Variants in WNK4 observed in about 807,000 individuals in gnomAD.
The protein encoded by WNK4 is serine/threonine-protein kinase WNK4.
A neutral mutation model predicts 116.2 loss-of-function variants in WNK4; 94 were observed. That is an observed-to-expected ratio of 0.81 (90% CI 0.68 to 0.96). The LOEUF (loss-of-function observed/expected upper bound fraction) is 0.96, where lower values mean the gene tolerates loss of function less well. WNK4 is among the 40% of genes least tolerant of loss of function. WNK4 has a pLI of 0.00. For missense variants in WNK4, 1,542 were observed against 1,650.6 expected, an observed-to-expected ratio of 0.93 and a Z score of 1.14; for synonymous variants, 655 against 672.7, an observed-to-expected ratio of 0.97 and a Z score of 0.41.
At chr17:42,785,588 G>A (rs2054539851) in intron 6 of WNK4, 106 bp downstream of exon 6, 6 of 1,326,246 alleles carry the variant, frequency 4.5e-6, no homozygotes, top group Middle Eastern at 2.5e-4. Flanking sequence ...CGATGGGGGC[G>A]GGGCACCTCA....
At chr17:42,788,927 A>C in intron 11 of WNK4, 130 bp downstream of exon 11, 1 of 782,594 alleles carries the variant, frequency 1.3e-6, no homozygotes, top group Middle Eastern at 3.5e-4. Flanking sequence ...CACTTAGCAC[A>C]GTAACGCTGA....
chr17:42,785,152 T>A lies in WNK4; in HGVS notation c.1226T>A (p.Ile409Asn). ...KVKIPEVKEIIEGCIRTDKNE... is the reference protein window; with the variant it reads ...KVKIPEVKEINEGCIRTDKNE... ...AAGATACCCGAGGTGAAGGAGATCATTGAAGGCTGCATCCGCACGGATAAG... is the reference window on the plus strand; with the variant it reads ...AAGATACCCGAGGTGAAGGAGATCAATGAAGGCTGCATCCGCACGGATAAG... The change falls in exon 5 of 19, where the codon ATT becomes AAT. Residue 409 changes from isoleucine (I) to asparagine (N), a missense_variant. This residue lies in a region of WNK4 where 808 missense variants were observed against 873.6 expected (regional missense o/e 0.92). Coordinates refer to ENST00000246914, the MANE Select transcript of WNK4 (RefSeq NM_032387.5). The A allele has an allele frequency of 6.2e-7, 1 of 1,613,990 alleles. No homozygotes were observed. The highest frequency in any genetic ancestry group is 8.5e-7 in the Non-Finnish European group (1 of 1,179,992).
Position 42,785,360 on chromosome 17 carries a change from G to C in WNK4, c.1354G>C (p.Gly452Arg), listed in dbSNP as rs760054217. The change falls in exon 6 of 19, where the codon GGC (glycine) becomes CGC (arginine). Residue 452 changes from glycine to arginine, a missense_variant. By Grantham distance (125) the Gly-to-Arg change is moderately radical. Transcript: ENST00000246914. ...GGAGGAGGACGACGGCGAGAAGCCG[G>C]GCCTCAAGCTCTGGCTGCGCATGGA... The part of the protein sequence containing the change: ...LAEEDDGEKP[G>R]LKLWLRMEDA... 1 of 1,608,272 alleles carries C rather than the reference G, an allele frequency of 6.2e-7. No individual in the cohort carries two copies. The highest frequency in any genetic ancestry group is 1.3e-5 in the African/African-American group (1 of 74,862).
rs1314335783 is a variant in WNK4, at chr17:42,796,331, G to A, written c.3631+9G>A. Reference sequence around the variant, plus strand: ...TGAGCCCCCAGGCCCTGGTGAGACTGCAGTCACCCAGCTTCCATCTTTTCC... The same window carrying A: ...TGAGCCCCCAGGCCCTGGTGAGACTACAGTCACCCAGCTTCCATCTTTTCC... On this transcript the variant is annotated intron_variant, in intron 17 of 18. Transcript: ENST00000246914. The A allele has an allele frequency of 1.2e-6, 2 of 1,610,792 alleles. No individual in the cohort carries two copies. Among genetic ancestry groups the A allele is most frequent in the Non-Finnish European group, 1.7e-6 (2 of 1,178,588 alleles).
In WNK4 at chr17:42,785,294, G is replaced by C; in HGVS notation, c.1288G>C (p.Ala430Pro). 6.2e-7 allele frequency: 1 copy of C among 1,611,542 alleles called. No homozygotes were observed. The highest frequency in any genetic ancestry group is 8.5e-7 in the Non-Finnish European group (1 of 1,179,012). Residue 430 changes from alanine (A) to proline (P), a missense_variant, in exon 6 of 19, where the codon GCC becomes CCC. Ala to Pro is a conservative substitution (Grantham distance 27). Around this residue, in one of 7 missense-constraint regions of WNK4, gnomAD observed 808 missense variants for 873.6 expected, o/e 0.92. Transcript: ENST00000246914. ...CACCATCCAGGACCTCCTGGCCCAC[G>C]CCTTCTTCCGCGAGGAGCGCGGTGT... ...RFTIQDLLAH[A>P]FFREERGVHV... is the part of the protein sequence containing the mutation.
chr17:42,783,409 A>G (rs989382380), intron 2 of WNK4, among the ~76,000 whole-genome samples: 5 of 152,156 alleles, frequency 3.3e-5, no homozygotes, highest in African/African-American at 1.2e-4. Context: ...GCCTTGGAAT[A>G]AAGCCCACAC....
chr17:42,794,684 T>C lies in WNK4; in HGVS notation c.2350+16T>C, dbSNP rs1399582818. Reference sequence around the variant, plus strand: ...CCATCCAATGGTATGTACTGAGTTGTGTCCTTGCTCATCCCAACCCCTGGG... The same window carrying C: ...CCATCCAATGGTATGTACTGAGTTGCGTCCTTGCTCATCCCAACCCCTGGG... On this transcript the variant is annotated intron_variant, in intron 13 of 18. Transcript: ENST00000246914. 6.2e-7 allele frequency: 1 copy of C among 1,613,860 alleles called. No individual in the cohort carries two copies. Among genetic ancestry groups the C allele is most frequent in the South Asian group, 1.1e-5 (1 of 91,068 alleles).
At position 42,782,949 on chromosome 17, in the gene WNK4, T is replaced by C. The variant is rs145968863; in HGVS notation, c.791+19T>C. The C allele has an allele frequency of 6.9e-5, 111 of 1,613,042 alleles. No individual in the cohort carries two copies. In the African/African-American group the frequency reaches 1.3e-3, roughly 19 times the overall value. Reference sequence around the variant, plus strand: ...TCAAGACGTGAGCTCTGCGCATGAGTGGGTGGGGAGAGGGAGGCTGGGATG... The same window carrying C: ...TCAAGACGTGAGCTCTGCGCATGAGCGGGTGGGGAGAGGGAGGCTGGGATG... On this transcript the variant is annotated intron_variant, in intron 2 of 18. Coordinates refer to ENST00000246914, the MANE Select transcript of WNK4 (RefSeq NM_032387.5). This position sits in a 1 kb window ranked among gnomAD's most constrained non-coding sequence, Gnocchi z 4.2.
At position 42,782,762 on chromosome 17, in the gene WNK4, G is replaced by A. The variant is rs375355128; in HGVS notation, c.623G>A (p.Arg208Gln). The change falls in exon 2 of 19, where the codon CGG becomes CAG. Residue 208 changes from arginine to glutamine, a missense_variant. Physicochemically the swap from Arg to Gln is conservative, Grantham distance 43. Transcript: ENST00000246914. The surrounding 1 kb of genome is among the most constrained non-coding windows in gnomAD (Gnocchi z 4.2). ...VEVAWCELQT[R>Q]KLSRAERQRF... ...CACCCGTCCCCCATCCCACAGACTC[G>A]GAAACTGTCTAGAGCTGAGCGGCAG... 4.7e-5 allele frequency: 76 copies of A among 1,613,918 alleles called. No individual in the cohort carries two copies. The highest frequency in any genetic ancestry group is 1.3e-4 in the African/African-American group (10 of 74,906).
chr17:42,795,655 A>T lies in WNK4; in HGVS notation c.3053A>T (p.Gln1018Leu). Residue 1018 changes from glutamine to leucine, a missense_variant, in exon 16 of 19, where the codon CAA (glutamine) becomes CTA (leucine). Coordinates refer to ENST00000246914, the MANE Select transcript of WNK4 (RefSeq NM_032387.5). ...AAGCCGCAGCTTGTTGGGCGTTTCC[A>T]AGTGACTTCATCCAAGGAACCGGCT... ...EGKPQLVGRF[Q>L]VTSSKEPAEP... is the part of the protein sequence containing the mutation. 6.2e-7 allele frequency: 1 copy of T among 1,613,470 alleles called. No individual in the cohort carries two copies. Among genetic ancestry groups the T allele is most frequent in the Non-Finnish European group, 8.5e-7 (1 of 1,180,040 alleles).
chr17:42,784,024 C>T lies in WNK4; in HGVS notation c.879C>T (p.Ser293=). The T allele has an allele frequency of 6.2e-7, 1 of 1,614,080 alleles. No individual in the cohort carries two copies. Among genetic ancestry groups the T allele is most frequent in the Non-Finnish European group, 8.5e-7 (1 of 1,180,026 alleles). Residue 293 remains serine (S), a synonymous_variant, in exon 3 of 19, where the codon TCC becomes TCT. Coordinates refer to ENST00000246914, the MANE Select transcript of WNK4 (RefSeq NM_032387.5). The surrounding 1 kb of genome is among the most constrained non-coding windows in gnomAD (Gnocchi z 4.4). ...QILRGLHFLH[S]RVPPILHRDL... The stretch of plus-strand genomic sequence containing the variant: ...TGCGGGGACTTCATTTCCTACACTC[C>T]CGGGTTCCTCCCATCCTGCACCGGG...
At chr17:42,794,020 T>A (rs2054634952) in intron 12 of WNK4, 2 of 359,400 alleles carry the variant, frequency 5.6e-6, no homozygotes, top group South Asian at 2.3e-5. Context: ...ACCCGGCTAA[T>A]TTTTTTTGTA....
Position 42,796,243 on chromosome 17 carries a change from C to T in WNK4, c.3552C>T (p.Ser1184=). ...TGGCCCCAGCTGCTATGCTGTCCAG[C>T]CGCCAGCGCCGCCTCTCCAAGGGCA... is the stretch of plus-strand genomic sequence containing the variant. ...GIVAPAAMLS[S]RQRRLSKGSF... The change falls in exon 17 of 19, where the codon AGC becomes AGT. Residue 1184 remains serine (S), a synonymous_variant. Transcript: ENST00000246914. 6.2e-7 allele frequency: 1 copy of T among 1,611,188 alleles called. No homozygotes were observed. The highest frequency in any genetic ancestry group is 1.1e-5 in the South Asian group (1 of 90,932).
rs566923583 is a variant in WNK4, at chr17:42,785,345, G to C, written c.1339G>C (p.Asp447His). ...GVHVELAEED[D>H]GEKPGLKLWL... ...GCACGTGGAACTAGCGGAGGAGGAC[G>C]ACGGCGAGAAGCCGGGCCTCAAGCT... Residue 447 changes from aspartate (D) to histidine (H), a missense_variant, in exon 6 of 19, where the codon GAC becomes CAC. Asp to His is a moderately conservative substitution (Grantham distance 81). Coordinates refer to ENST00000246914, the MANE Select transcript of WNK4 (RefSeq NM_032387.5). The C allele has an allele frequency of 6.2e-7, 1 of 1,611,098 alleles. No individual in the cohort carries two copies.
chr17:42,781,167 AAGG>A lies in WNK4; in HGVS notation c.474_476del (p.Glu158del). ...AGAGCGGCGGCGGGAGCAGGAAGAA[AAGG>A]AGGACATGGAGACCCAGGCTGTGGC... On this transcript the variant is annotated inframe_deletion, in exon 1 of 19. Transcript: ENST00000246914. 6.2e-7 allele frequency: 1 copy of A among 1,614,104 alleles called. No homozygotes were observed. Among genetic ancestry groups the A allele is most frequent in the Non-Finnish European group, 8.5e-7 (1 of 1,180,010 alleles).
chr17:42,793,273 C>T (rs1358679829), intron 11 of WNK4, among the ~76,000 whole-genome samples: 2 of 152,124 alleles, frequency 1.3e-5, no homozygotes, highest in East Asian at 1.9e-4. Flanking sequence ...GGCTGGAGTG[C>T]GGTGGTGTGA....
At chr17:42,796,404 GC>G in intron 17 of WNK4, 76 bp from the exon 18 acceptor site, 1 of 1,613,382 alleles carries the variant, frequency 6.2e-7, no homozygotes, top group Non-Finnish European at 8.5e-7. Flanking sequence ...CTGGGGGTCT[GC>G]CCCGGGGGAA....
At position 42,787,861 on chromosome 17, in the gene WNK4, C is replaced by T. The variant is rs1266248739; in HGVS notation, c.1825C>T (p.Pro609Ser). Reference protein sequence around the residue: ...DPALQPPGGVPSSLAESHLCL... With the variant: ...DPALQPPGGVSSSLAESHLCL... ...TGCCCTTCAGCCCCCTGGGGGGGTG[C>T]CATCCAGCCTGGCTGAGTCCCATCT... is the stretch of plus-strand genomic sequence containing the variant. The change falls in exon 8 of 19, where the codon CCA (proline) becomes TCA (serine). Residue 609 changes from proline to serine, a missense_variant. Coordinates refer to ENST00000246914, the MANE Select transcript of WNK4 (RefSeq NM_032387.5). 6.2e-7 allele frequency: 1 copy of T among 1,611,602 alleles called. No individual in the cohort carries two copies. Among genetic ancestry groups the T allele is most frequent in the South Asian group, 1.1e-5 (1 of 91,080 alleles).
chr17:42,788,582 A>G, intron 10 of WNK4, 99 bp from the exon 11 acceptor site: 1 of 1,198,034 alleles, frequency 8.3e-7, no homozygotes, highest in Non-Finnish European at 1.2e-6. Flanking sequence ...CTTATCTCCA[A>G]GTCCATTGTG....
Sources: allele counts gnomAD v4.1 joint callset (sites outside exome capture counted in the v4.1 genomes callset), GRCh38; gene constraint gnomAD v4.1.1; regional missense constraint gnomAD v4.1.1; non-coding constraint Gnocchi (gnomAD v3.1); transcripts MANE v1.5; gene names NCBI Gene and HGNC (gene_info 2026-07-23, HGNC 2026-07-21).